Variants in NAA25 observed in about 807,000 individuals in gnomAD.
The protein encoded by NAA25 is N-terminal acetyltransferase B complex subunit NAA25.
NAA25 carries 30 observed loss-of-function variants against 132.5 expected under a neutral mutation model. That is an observed-to-expected ratio of 0.23 (90% confidence interval 0.17 to 0.31). The LOEUF (loss-of-function observed/expected upper bound fraction) is 0.31, where lower values mean the gene tolerates loss of function less well. Among genes scored for constraint, NAA25 ranks in the 10% least tolerant of loss-of-function variants. NAA25 has a pLI of 1.00. For missense variants in NAA25, 771 were observed against 1,150.4 expected (o/e 0.67, Z 4.77); for synonymous variants, 359 against 401.9 (o/e 0.89, Z 1.28).
chr12:112,087,107 A>C (rs1428224317), intron 4 of NAA25, among the ~76,000 whole-genome samples: 1 of 152,104 alleles, frequency 6.6e-6, no homozygotes, highest in African/African-American at 2.4e-5. Context: ...CTTTACCCGC[A>C]ACCTAATTCA....
chr12:112,108,520 A>G (rs1388165406), intron 1 of NAA25, among the ~76,000 whole-genome samples, 196 bp downstream of exon 1: 5 of 151,898 alleles, frequency 3.3e-5, no homozygotes, highest in African/African-American at 1.2e-4. Flanking sequence ...CCGCGCCACT[A>G]CCACCCCAAG....
chr12:112,037,342 A>T (rs1406447723), intron 22 of NAA25, among the ~76,000 whole-genome samples: 56 of 138,162 alleles, frequency 4.1e-4, no homozygotes, highest in Non-Finnish European at 7.9e-4. Flanking sequence ...ATATATTCAA[A>T]TATGTATGAA....
chr12:112,041,484 C>T (rs1418444784), intron 20 of NAA25, among the ~76,000 whole-genome samples: 1 of 152,016 alleles, frequency 6.6e-6, no homozygotes, highest in African/African-American at 2.4e-5. Context: ...TCACCATGCC[C>T]GGCCAGAAAG....
intron 9 of NAA25, among the ~76,000 whole-genome samples, chr12:112,073,026 G>A (rs994757853): frequency 7.2e-5 from 11 of 152,002 alleles, no homozygotes; most frequent in African/African-American, 1.4e-4. Context: ...TTGAGCTCAC[G>A]AGTTCAAGAT....
At chr12:112,086,073 T>TATATATATATATACATACACAC (rs759148501) in intron 4 of NAA25, among the ~76,000 whole-genome samples, 1 of 53,964 alleles carries the variant, frequency 1.9e-5, no homozygotes, top group Admixed American at 3.0e-4. Flanking sequence ...TATATATATA[T>TATATATATATATACATACACAC]ACACACACAC....
intron 13 of NAA25, among the ~76,000 whole-genome samples, chr12:112,055,919 G>T (rs901806421): frequency 2.6e-5 from 4 of 152,142 alleles, no homozygotes; most frequent in African/African-American, 9.7e-5. Flanking sequence ...AGAAAGATAG[G>T]CCGGGCATAG....
At chr12:112,054,293 T>C in intron 14 of NAA25, 95 bp downstream of exon 14, 1 of 1,093,220 alleles carries the variant, frequency 9.1e-7, no homozygotes, top group Non-Finnish European at 1.3e-6. Flanking sequence ...CAGAAAGGCT[T>C]AATGTCACAA....
At chr12:112,065,923 A>C (rs146010375) in intron 11 of NAA25, among the ~76,000 whole-genome samples, 1 of 152,304 alleles carries the variant, frequency 6.6e-6, no homozygotes, top group East Asian at 1.9e-4. Context: ...TTAGCTACTG[A>C]AGTTATCCTA....
In NAA25 at chr12:112,102,894, C is replaced by T. The variant is rs184091880; in HGVS notation, c.58+5822G>A. Among the ~76,000 whole-genome samples, 414 of 152,230 alleles carry T rather than the reference C, an allele frequency of 2.7e-3. 2 individuals carry two copies. Among genetic ancestry groups the T allele is most frequent in the African/African-American group, 9.6e-3 (399 of 41,536 alleles). ...TAGTAGAGACGGAGTTTCACTATGTCGGTGAGACTCGTCTCAAACTCTTGA... is the reference window on the plus strand; with the variant it reads ...TAGTAGAGACGGAGTTTCACTATGTTGGTGAGACTCGTCTCAAACTCTTGA... On this transcript the variant is annotated intron_variant, in intron 1 of 23. Coordinates refer to ENST00000261745, the MANE Select transcript of NAA25 (RefSeq NM_024953.4).
intron 22 of NAA25, among the ~76,000 whole-genome samples, chr12:112,037,275 C>CATATATATATATATAT (rs57810657): frequency 3.1e-5 from 2 of 65,184 alleles, no homozygotes; most frequent in Non-Finnish European, 6.4e-5. Flanking sequence ...TTAAAAAATA[C>CATATATATATATATAT]ATATATATAT....
chr12:112,065,299 C>G (rs1283416919), intron 11 of NAA25, among the ~76,000 whole-genome samples: 1 of 152,118 alleles, frequency 6.6e-6, no homozygotes, highest in Non-Finnish European at 1.5e-5. Context: ...GAGTTCAAGG[C>G]CAGCCTGGCC....
chr12:112,096,158 C>A (rs1272238755), intron 1 of NAA25, among the ~76,000 whole-genome samples: 1 of 152,118 alleles, frequency 6.6e-6, no homozygotes, highest in Non-Finnish European at 1.5e-5. Context: ...TCTATTAATT[C>A]TTTTAAAAAG....
chr12:112,055,619 T>C (rs1030919746), intron 13 of NAA25, among the ~76,000 whole-genome samples: 4 of 151,852 alleles, frequency 2.6e-5, no homozygotes, highest in African/African-American at 9.7e-5. Context: ...GTTGGGAGGA[T>C]TGCTTCAGCC....
At chr12:112,091,945 T>C (rs578153078) in intron 2 of NAA25, among the ~76,000 whole-genome samples, 4 of 152,148 alleles carry the variant, frequency 2.6e-5, no homozygotes, top group Admixed American at 2.0e-4. Flanking sequence ...AGCTAGCTTT[T>C]ACTGAAATAT....
Position 112,054,585 on chromosome 12 carries a change from G to A in NAA25, c.1448-17C>T. On this transcript the variant is annotated splice_polypyrimidine_tract_variant and intron_variant, in intron 13 of 23. Coordinates refer to ENST00000261745, the MANE Select transcript of NAA25 (RefSeq NM_024953.4). ...TCTCATCACCTAGAACCAAAATACAGCATTATCCACTGATCTTGACAGCAA... is the reference window on the plus strand; with the variant it reads ...TCTCATCACCTAGAACCAAAATACAACATTATCCACTGATCTTGACAGCAA... The A allele has an allele frequency of 6.2e-7, 1 of 1,607,834 alleles. No individual in the cohort carries two copies. The highest frequency in any genetic ancestry group is 8.5e-7 in the Non-Finnish European group (1 of 1,176,962).
intron 23 of NAA25, among the ~76,000 whole-genome samples, chr12:112,032,487 ATCAGCAGTTTAGC>A (rs1000156362): frequency 1.8e-4 from 27 of 152,188 alleles, no homozygotes; most frequent in African/African-American, 4.6e-4. Context: ...AAATTCCCTC[ATCAGCAGTTTAGC>A]TCAGCAGTTT....
chr12:112,047,574 G>A (rs2078406760), intron 17 of NAA25, 91 bp downstream of exon 17: 25 of 1,450,202 alleles, frequency 1.7e-5, no homozygotes, highest in South Asian at 1.5e-4. Flanking sequence ...CCAGGAGTTC[G>A]AAGCTGCAGT....
At position 112,096,228 on chromosome 12, in the gene NAA25, A is replaced by G. The variant is rs117658774; in HGVS notation, c.59-3092T>C. Among the ~76,000 whole-genome samples the G allele has an allele frequency of 4.9e-4, 75 of 152,316 alleles. No homozygotes were observed. The East Asian group carries it at 0.013, about 27-fold the overall frequency. On this transcript the variant is annotated intron_variant, in intron 1 of 23. Transcript: ENST00000261745. ...AAAATGAGAAGTGTTATAAATGGGA[A>G]AACAGTACAGTAGCTGTCAATTCTA...
At chr12:112,051,421 G>A (rs2078463598) in intron 15 of NAA25, among the ~76,000 whole-genome samples, 1 of 152,086 alleles carries the variant, frequency 6.6e-6, no homozygotes, top group African/African-American at 2.4e-5. Context: ...ACGTTGGCCA[G>A]GCTGGTCTTG....
Sources: gnomAD v4.1 joint callset for allele counts (sites outside exome capture counted in the v4.1 genomes callset) on GRCh38, gnomAD v4.1.1 for gene constraint, MANE v1.5 for transcripts, NCBI Gene and HGNC (gene_info 2026-07-23, HGNC 2026-07-21) for gene names.